Variants in SBF2 observed in about 807,000 individuals in gnomAD.
The protein encoded by SBF2 is SET binding factor 2.
In SBF2, 112 loss-of-function variants were observed where a neutral mutation model predicts 225.2. The observed-to-expected ratio is 0.50, with a 90% CI of 0.43 to 0.58. The LOEUF is 0.58. Among genes scored for constraint, SBF2 ranks in the 20% least tolerant of loss-of-function variants. The pLI is 0.00. For synonymous variants in SBF2, 763 were observed against 773.3 expected (o/e 0.99, Z 0.22); for missense variants, 1,996 against 2,206.2 (o/e 0.90, Z 1.91).
chr11:10,300,813 T>C (rs1401416320), intron 1 of SBF2, among the ~76,000 whole-genome samples: 136 of 146,740 alleles, frequency 9.3e-4, no homozygotes, highest in Admixed American at 4.5e-3. Context: ...CTCTCTCTCT[T>C]TTTTTTTTTT....
At chr11:10,222,936 C>T (rs1421020942) in intron 1 of SBF2, among the ~76,000 whole-genome samples, 1 of 151,968 alleles carries the variant, frequency 6.6e-6, no homozygotes, top group Non-Finnish European at 1.5e-5. Context: ...TTTCAATAAC[C>T]TTATATATAT....
intron 2 of SBF2, among the ~76,000 whole-genome samples, chr11:10,134,658 G>C (rs1591037751): frequency 6.6e-6 from 1 of 152,340 alleles, no homozygotes; most frequent in East Asian, 1.9e-4. Context: ...CAGCAGGTCA[G>C]TCAAATCTTA....
At chr11:9,910,641 G>T (rs190417767) in intron 16 of SBF2, among the ~76,000 whole-genome samples, 4 of 151,756 alleles carry the variant, frequency 2.6e-5, no homozygotes, top group Admixed American at 2.0e-4. Flanking sequence ...TCCTGACCCT[G>T]TGTAGGTCTA....
chr11:9,883,090 T>C (rs991171974), intron 17 of SBF2, among the ~76,000 whole-genome samples: 1 of 151,994 alleles, frequency 6.6e-6, no homozygotes, highest in Admixed American at 6.6e-5. Context: ...GCCGAGATTA[T>C]GCCTCTGCAC....
intron 13 of SBF2, among the ~76,000 whole-genome samples, chr11:9,981,064 C>T (rs1324963833): frequency 1.3e-5 from 2 of 152,108 alleles, no homozygotes; most frequent in African/African-American, 4.8e-5. Flanking sequence ...GTTTTAGTAT[C>T]CCTGCTTGTA....
chr11:9,862,550 C>A (rs1317711904), intron 17 of SBF2, among the ~76,000 whole-genome samples: 1 of 152,052 alleles, frequency 6.6e-6, no homozygotes, highest in Admixed American at 6.6e-5. Context: ...TACGTTGTTT[C>A]TGTAAGATAC....
At chr11:9,839,961 G>T (rs1034661598) in intron 25 of SBF2, among the ~76,000 whole-genome samples, 12 of 152,262 alleles carry the variant, frequency 7.9e-5, no homozygotes, top group Non-Finnish European at 1.5e-4. Flanking sequence ...TTTGGGCTGG[G>T]TGTGGTGGCT....
intron 13 of SBF2, among the ~76,000 whole-genome samples, chr11:9,983,300 T>C (rs1947041008): frequency 1.3e-5 from 2 of 152,134 alleles, no homozygotes; most frequent in Admixed American, 1.3e-4. Flanking sequence ...GGCCTGTGAC[T>C]GCCGGCTTTC....
chr11:10,096,401 T>A (rs186558683), intron 2 of SBF2, among the ~76,000 whole-genome samples: 15 of 146,380 alleles, frequency 1.0e-4, no homozygotes, highest in Admixed American at 7.0e-4. Context: ...TCAATTTGAT[T>A]AGCCTTATAA....
intron 3 of SBF2, among the ~76,000 whole-genome samples, chr11:10,038,944 T>C (rs1949548840): frequency 6.6e-6 from 1 of 151,920 alleles, no homozygotes; most frequent in African/African-American, 2.4e-5. Context: ...AAAGTCAATG[T>C]AAATCTATCA....
chr11:9,924,864 T>C (rs928321053), intron 16 of SBF2, among the ~76,000 whole-genome samples: 10 of 152,078 alleles, frequency 6.6e-5, no homozygotes, highest in Non-Finnish European at 1.3e-4. Flanking sequence ...TCCTCCCACC[T>C]CAGCCTCCTA....
chr11:10,147,118 G>C (rs1202000944), intron 2 of SBF2, among the ~76,000 whole-genome samples: 1 of 151,950 alleles, frequency 6.6e-6, no homozygotes, highest in East Asian at 1.9e-4. Flanking sequence ...ACACTCTTGG[G>C]AGGAGTGTAA....
intron 2 of SBF2, among the ~76,000 whole-genome samples, chr11:10,134,981 A>G (rs1954277823): frequency 6.6e-6 from 1 of 152,240 alleles, no homozygotes; most frequent in East Asian, 1.9e-4. Context: ...CTGCCCTAGC[A>G]GAAGTTCTTC....
chr11:10,207,567 A>T (rs1211855599), intron 1 of SBF2, among the ~76,000 whole-genome samples: 1 of 152,144 alleles, frequency 6.6e-6, no homozygotes, highest in Non-Finnish European at 1.5e-5. Context: ...CTTGAAGCTT[A>T]CTGCTTGCCT....
intron 1 of SBF2, among the ~76,000 whole-genome samples, chr11:10,281,241 A>C: frequency 6.6e-6 from 1 of 152,194 alleles, no homozygotes; most frequent in Non-Finnish European, 1.5e-5. Context: ...TTAGGGACTC[A>C]GGTTCTTTCT....
intron 2 of SBF2, among the ~76,000 whole-genome samples, chr11:10,185,818 A>G (rs1301266701): frequency 1.3e-5 from 2 of 152,024 alleles, no homozygotes; most frequent in Admixed American, 1.3e-4. Context: ...TCCCCATACT[A>G]ATGGTCATTT....
intron 17 of SBF2, among the ~76,000 whole-genome samples, chr11:9,885,276 A>AAAAAC (rs1860187814): frequency 7.6e-6 from 1 of 130,886 alleles, no homozygotes; most frequent in Non-Finnish European, 1.7e-5. Flanking sequence ...AAAAAAAAAA[A>AAAAAC]CCCCACCCCC....
At chr11:9,809,175 G>C in intron 30 of SBF2, 173 bp from the exon 31 acceptor site, 1 of 578,942 alleles carries the variant, frequency 1.7e-6, no homozygotes, top group Non-Finnish European at 3.2e-6. Flanking sequence ...ATTAAACAAT[G>C]ACACTTTTGA....
chr11:9,881,069 C>A (rs965065552), intron 17 of SBF2, among the ~76,000 whole-genome samples: 2 of 152,216 alleles, frequency 1.3e-5, no homozygotes, highest in Middle Eastern at 6.8e-3. Flanking sequence ...ATGTACAAGC[C>A]ACTCACAGAG....
Sources: allele counts gnomAD v4.1 joint callset (sites outside exome capture counted in the v4.1 genomes callset), GRCh38; gene constraint gnomAD v4.1.1; transcripts MANE v1.5; gene names NCBI Gene and HGNC (gene_info 2026-07-23, HGNC 2026-07-21).